XPR1: variants seen among roughly 807,000 people sequenced by gnomAD.
The protein encoded by XPR1 is xenotropic and polytropic retrovirus receptor 1, also known as solute carrier family 53 member 1.
Under a neutral mutation model 87.5 loss-of-function variants are expected in XPR1, and 28 were observed. The ratio of observed to expected loss-of-function variants is 0.32; its 90% CI spans 0.24 to 0.44. The LOEUF (loss-of-function observed/expected upper bound fraction) is 0.44, where lower values mean the gene tolerates loss of function less well. Among genes scored for constraint, XPR1 ranks in the 20% least tolerant of loss-of-function variants. XPR1 has a pLI of 1.00. For synonymous variants in XPR1, 300 were observed against 306.1 expected, an observed-to-expected ratio of 0.98 and a Z score of 0.21; for missense variants, 559 against 862.3, an observed-to-expected ratio of 0.65 and a Z score of 4.41.
At chr1:180,724,248 T>C (rs1658264880) in intron 2 of XPR1, among the ~76,000 whole-genome samples, 1 of 152,178 alleles carries the variant, frequency 6.6e-6, no homozygotes, top group African/African-American at 2.4e-5. Context: ...GGAGGTGACC[T>C]TTGAGCAGGG....
In XPR1 at chr1:180,806,175, A is replaced by G. The variant is rs922588837; in HGVS notation, c.561A>G (p.Thr187=). Residue 187 remains threonine (T), a synonymous_variant, in exon 5 of 15, where the codon ACA becomes ACG. Transcript: ENST00000367590. ...ACGTAGAGGTGGCCCCATTTTATAC[A>G]TGCAAGAAAATCAACCAGCTTATCT... The part of the protein sequence containing the change: ...VAHVEVAPFY[T]CKKINQLISE... The G allele has an allele frequency of 6.8e-6, 11 of 1,613,376 alleles. No individual in the cohort carries two copies. The highest frequency in any genetic ancestry group is 1.1e-5 in the South Asian group (1 of 91,016).
chr1:180,723,966 G>A (rs1209337756), intron 2 of XPR1, among the ~76,000 whole-genome samples: 2 of 151,830 alleles, frequency 1.3e-5, no homozygotes, highest in East Asian at 3.9e-4. Flanking sequence ...CTTTCTTTTT[G>A]CAAACAAAGA....
chr1:180,635,342 A>G (rs1478775365), intron 1 of XPR1, among the ~76,000 whole-genome samples: 1 of 152,222 alleles, frequency 6.6e-6, no homozygotes, highest in Admixed American at 6.5e-5. Flanking sequence ...TTTAAAATTT[A>G]GAATTAGTGA....
At chr1:180,780,114 T>C (rs1218868944) in intron 2 of XPR1, among the ~76,000 whole-genome samples, 1 of 152,240 alleles carries the variant, frequency 6.6e-6, no homozygotes, top group African/African-American at 2.4e-5. Flanking sequence ...ATAATGCTGC[T>C]CTGAACATTC....
chr1:180,800,321 A>G (rs1280178808), intron 3 of XPR1, among the ~76,000 whole-genome samples: 1 of 152,242 alleles, frequency 6.6e-6, no homozygotes, highest in Non-Finnish European at 1.5e-5. Context: ...TCCTAGGGAA[A>G]AAGATTCAAA....
At chr1:180,712,536 G>A (rs566078012) in intron 2 of XPR1, among the ~76,000 whole-genome samples, 5 of 152,280 alleles carry the variant, frequency 3.3e-5, no homozygotes, top group African/African-American at 4.8e-5. Context: ...TGCTGGGCAC[G>A]GTGGCTCATG....
rs555107162 is a variant in XPR1 at position 180,681,379 on chromosome 1, C to T, written c.70-981C>T. 2.6e-5 allele frequency among the ~76,000 whole-genome samples: 4 copies of T among 152,340 alleles called. 1 individual carries two copies. The South Asian group carries it at 8.3e-4, about 32-fold the overall frequency. Reference sequence around the variant, plus strand: ...TAAAATTTCTGGCCGGGTGCAGTGGCTCACGCCTGTAATCCCAGCACTTTG... The same window carrying T: ...TAAAATTTCTGGCCGGGTGCAGTGGTTCACGCCTGTAATCCCAGCACTTTG... On this transcript the variant is annotated intron_variant, in intron 1 of 14. Coordinates refer to ENST00000367590, the MANE Select transcript of XPR1 (RefSeq NM_004736.4).
intron 1 of XPR1, among the ~76,000 whole-genome samples, chr1:180,670,789 A>G (rs1656142663): frequency 1.3e-5 from 2 of 152,164 alleles, no homozygotes; most frequent in South Asian, 4.1e-4. Context: ...TACAGGGGCA[A>G]ACCTAGTAGT....
chr1:180,636,347 G>T (rs1329339738), intron 1 of XPR1, among the ~76,000 whole-genome samples: 1 of 152,228 alleles, frequency 6.6e-6, no homozygotes, highest in Non-Finnish European at 1.5e-5. Context: ...GTATAGTATA[G>T]TGTGTTTAAG....
intron 1 of XPR1, among the ~76,000 whole-genome samples, chr1:180,634,120 C>T (rs1383268551): frequency 6.6e-6 from 1 of 152,148 alleles, no homozygotes; most frequent in African/African-American, 2.4e-5. Flanking sequence ...TTCTGGGACT[C>T]CTCATTCACA....
At chr1:180,879,522 C>G (rs957257228) in intron 13 of XPR1, among the ~76,000 whole-genome samples, 3 of 152,096 alleles carry the variant, frequency 2.0e-5, no homozygotes, top group African/African-American at 4.8e-5. Flanking sequence ...TTATACTTGC[C>G]ATTTTCCTCT....
At chr1:180,635,661 G>C (rs2101890334) in intron 1 of XPR1, among the ~76,000 whole-genome samples, 1 of 152,272 alleles carries the variant, frequency 6.6e-6, no homozygotes, top group Non-Finnish European at 1.5e-5. Context: ...AGGAAACTAA[G>C]GTCCAGAGGG....
In XPR1 at chr1:180,885,670, A is replaced by T. The variant is rs1652986830; in HGVS notation, c.*1604A>T. 6.6e-6 allele frequency: 1 copy of T among 152,228 alleles called. No individual in the cohort carries two copies. Among genetic ancestry groups the T allele is most frequent in the Non-Finnish European group, 1.5e-5 (1 of 68,036 alleles). The allele number at this position is 152,228 out of a possible 1,614,324, so 9.4% of individuals were successfully genotyped here. On this transcript the variant is annotated 3_prime_UTR_variant, in exon 15 of 15. Transcript: ENST00000367590. The stretch of plus-strand genomic sequence containing the variant: ...TTTCAAAGTCAATACCAGCAGATTC[A>T]TGAAAGTAAATTTAGTCCTATAATT...
At chr1:180,812,222 T>A (rs1650243372) in intron 7 of XPR1, among the ~76,000 whole-genome samples, 1 of 152,182 alleles carries the variant, frequency 6.6e-6, no homozygotes, top group South Asian at 2.1e-4. Context: ...GCTATACTTT[T>A]CTTTGTGACA....
intron 4 of XPR1, among the ~76,000 whole-genome samples, chr1:180,803,858 A>G (rs1021880294): frequency 2.0e-5 from 3 of 152,208 alleles, no homozygotes; most frequent in Admixed American, 6.5e-5. Flanking sequence ...ATTTAGGGAT[A>G]GTCCACAACT....
rs530302947 is a variant in XPR1, at chr1:180,827,824, C to T, written c.1134+2480C>T. ...CACTCTAGTTATGTTTTTCTGATACCGCTTTTTAAAAGCTTCATCCTAAAG... is the reference window on the plus strand; with the variant it reads ...CACTCTAGTTATGTTTTTCTGATACTGCTTTTTAAAAGCTTCATCCTAAAG... On this transcript the variant is annotated intron_variant, in intron 9 of 14. Coordinates refer to ENST00000367590, the MANE Select transcript of XPR1 (RefSeq NM_004736.4). Among the ~76,000 whole-genome samples the T allele has an allele frequency of 2.6e-5, 4 of 151,884 alleles. No homozygotes were observed. In the South Asian group the frequency reaches 6.3e-4, roughly 24 times the overall value.
chr1:180,830,035 A>G (rs1321344131), intron 9 of XPR1, among the ~76,000 whole-genome samples: 1 of 152,200 alleles, frequency 6.6e-6, no homozygotes, highest in Admixed American at 6.5e-5. Flanking sequence ...TACCAGTTTC[A>G]TAATAGTTCA....
chr1:180,744,169 A>G (rs1409315487), intron 2 of XPR1, among the ~76,000 whole-genome samples: 1 of 152,048 alleles, frequency 6.6e-6, no homozygotes, highest in Non-Finnish European at 1.5e-5. Context: ...CCCATCATTT[A>G]TTCCTCTGTG....
At chr1:180,764,237 T>C (rs1648179806) in intron 2 of XPR1, among the ~76,000 whole-genome samples, 1 of 152,150 alleles carries the variant, frequency 6.6e-6, no homozygotes, top group South Asian at 2.1e-4. Flanking sequence ...AAAAATATTG[T>C]ATAAAATTAC....
Sources: gnomAD v4.1 joint callset for allele counts (sites outside exome capture counted in the v4.1 genomes callset) on GRCh38, gnomAD v4.1.1 for gene constraint, MANE v1.5 for transcripts, NCBI Gene and HGNC (gene_info 2026-07-23, HGNC 2026-07-21) for gene names.